The following LIPI variants were observed in gnomAD, a reference collection of about 807,000 sequenced individuals.
LIPI encodes lipase I, also known as lipase member I.
Under a neutral mutation model 50.6 loss-of-function variants are expected in LIPI, and 59 were observed. The observed-to-expected ratio is 1.16, with a 90% CI of 0.94 to 1.45. LIPI has a LOEUF of 1.45. Ranked by LOEUF, LIPI falls within the 40% of genes most tolerant of loss-of-function variation. The pLI is 0.00. For missense variants in LIPI, 586 were observed against 536.3 expected (o/e 1.09, Z -0.92); for synonymous variants, 203 against 178.2 (o/e 1.14, Z -1.11).
At chr21:14,196,167 AC>A (rs773647278) in intron 1 of LIPI, among the ~76,000 whole-genome samples, 9,352 of 115,380 alleles carry the variant, frequency 0.081, 504 homozygotes, top group East Asian at 0.24. Context: ...AAAAAAAAAA[AC>A]AAAACAAGAA....
chr21:14,206,815 C>G, intron 1 of LIPI: 1 of 1,567,606 alleles, frequency 6.4e-7, no homozygotes, highest in Non-Finnish European at 8.8e-7. Flanking sequence ...AAGAGATTAC[C>G]TGATCTCAGG....
In LIPI at chr21:14,172,369, A is replaced by C. The variant is rs139171784; in HGVS notation, c.644-5918T>G. On this transcript the variant is annotated intron_variant, in intron 4 of 9. Coordinates refer to ENST00000681601, the MANE Select transcript of LIPI (RefSeq NM_001302998.2). ...TGACCCAGCAATCCCATTACTGGGT[A>C]TATACCCAAAGGACTATAAATCATG... 7.7e-3 allele frequency among the ~76,000 whole-genome samples: 1,172 copies of C among 152,354 alleles called. 19 individuals are homozygous for C. Among genetic ancestry groups the C allele is most frequent in the African/African-American group, 0.026 (1,068 of 41,566 alleles).
At chr21:14,137,017 C>T (rs2017523900) in intron 9 of LIPI, among the ~76,000 whole-genome samples, 1 of 152,176 alleles carries the variant, frequency 6.6e-6, no homozygotes, top group Non-Finnish European at 1.5e-5. Flanking sequence ...ATTACTGGGC[C>T]TGGGGTGCTC....
At chr21:14,180,904 G>C (rs947156705) in intron 4 of LIPI, among the ~76,000 whole-genome samples, 1 of 152,120 alleles carries the variant, frequency 6.6e-6, no homozygotes. Context: ...CACTGCCCTT[G>C]TCTCTATCTT....
chr21:14,172,706 G>C (rs560199472), intron 4 of LIPI, among the ~76,000 whole-genome samples: 1 of 151,774 alleles, frequency 6.6e-6, no homozygotes, highest in Non-Finnish European at 1.5e-5. Flanking sequence ...TCACACTCTG[G>C]GGACTGTTGT....
At chr21:14,109,869 C>A (rs528350610) in intron 9 of LIPI, among the ~76,000 whole-genome samples, 1 of 111,512 alleles carries the variant, frequency 9.0e-6, no homozygotes, top group South Asian at 3.0e-4. Flanking sequence ...TGTAAAAGTT[C>A]ATCTAGTTAT....
chr21:14,161,486 T>C (rs1284351800), intron 7 of LIPI, among the ~76,000 whole-genome samples: 2 of 136,358 alleles, frequency 1.5e-5, no homozygotes, highest in Non-Finnish European at 3.1e-5. Context: ...GAAATAGATC[T>C]AATATATAGA....
At chr21:14,152,413 A>G (rs2018127123) in intron 8 of LIPI, among the ~76,000 whole-genome samples, 160 bp downstream of exon 8, 1 of 152,178 alleles carries the variant, frequency 6.6e-6, no homozygotes, top group African/African-American at 2.4e-5. Context: ...TGTAAAATAA[A>G]GGAATTAGAA....
intron 9 of LIPI, among the ~76,000 whole-genome samples, chr21:14,138,325 T>C (rs2017582733): frequency 6.6e-6 from 1 of 152,170 alleles, no homozygotes; most frequent in South Asian, 2.1e-4. Context: ...ATTGGCTGTC[T>C]AAGTTTATTC....
At chr21:14,112,682 T>C (rs182513822) in intron 9 of LIPI, among the ~76,000 whole-genome samples, 21 of 152,266 alleles carry the variant, frequency 1.4e-4, no homozygotes, top group Admixed American at 6.5e-4. Flanking sequence ...TATATTAATA[T>C]TTATACATAT....
At chr21:14,202,990 A>G (rs2020111049) in intron 1 of LIPI, among the ~76,000 whole-genome samples, 1 of 147,558 alleles carries the variant, frequency 6.8e-6, no homozygotes, top group African/African-American at 2.4e-5. Context: ...TTTACAAGAA[A>G]AAAACAAACA....
chr21:14,129,816 A>ATT (rs1568838597), intron 9 of LIPI, among the ~76,000 whole-genome samples: 3,985 of 151,100 alleles, frequency 0.026, 173 homozygotes, highest in African/African-American at 0.089. Context: ...TTTTAAAAAA[A>ATT]AAAAAAGCTT....
chr21:14,136,101 C>T lies in LIPI; in HGVS notation c.1295+8522G>A, dbSNP rs562750789. ...AACCCCACTGCCTTTGAGGAAAGAA[C>T]CCAGTCCTGACAGCATTCATCACCT... is the stretch of plus-strand genomic sequence containing the variant. On this transcript the variant is annotated intron_variant, in intron 9 of 9. Transcript: ENST00000681601. Among the ~76,000 whole-genome samples the T allele has an allele frequency of 1.3e-4, 20 of 152,274 alleles. No individual in the cohort carries two copies. In the East Asian group the frequency reaches 3.5e-3, roughly 27 times the overall value.
intron 1 of LIPI, among the ~76,000 whole-genome samples, chr21:14,201,687 A>T (rs543938236): frequency 6.6e-6 from 1 of 152,302 alleles, no homozygotes; most frequent in South Asian, 2.1e-4. Flanking sequence ...GACGTATCTC[A>T]AAATAATAAG....
chr21:14,149,331 C>T (rs953336280), intron 8 of LIPI, among the ~76,000 whole-genome samples: 47 of 152,286 alleles, frequency 3.1e-4, no homozygotes, highest in African/African-American at 1.0e-3. Flanking sequence ...GAAACCACCC[C>T]TGTGATTCAA....
chr21:14,147,682 G>A (rs1367454544), intron 8 of LIPI, among the ~76,000 whole-genome samples: 1 of 152,202 alleles, frequency 6.6e-6, no homozygotes, highest in African/African-American at 2.4e-5. Context: ...TTCTCTCCAT[G>A]TATCTTTTAG....
At chr21:14,133,504 T>A (rs779465900) in intron 9 of LIPI, among the ~76,000 whole-genome samples, 18 of 152,140 alleles carry the variant, frequency 1.2e-4, no homozygotes, top group Non-Finnish European at 2.4e-4. Flanking sequence ...AATGACAGAC[T>A]CACAGCCAGC....
At chr21:14,151,196 G>C (rs966455311) in intron 8 of LIPI, among the ~76,000 whole-genome samples, 3 of 152,046 alleles carry the variant, frequency 2.0e-5, no homozygotes, top group Non-Finnish European at 4.4e-5. Flanking sequence ...ACTATTATGA[G>C]CTATGGCTAC....
chr21:14,151,561 A>C (rs1455029236), intron 8 of LIPI, among the ~76,000 whole-genome samples: 1 of 152,092 alleles, frequency 6.6e-6, no homozygotes, highest in Non-Finnish European at 1.5e-5. Flanking sequence ...TAATCACTAG[A>C]TATGGTGTCT....
Sources: allele counts gnomAD v4.1 joint callset (sites outside exome capture counted in the v4.1 genomes callset), GRCh38; gene constraint gnomAD v4.1.1; transcripts MANE v1.5; gene names NCBI Gene and HGNC (gene_info 2026-07-23, HGNC 2026-07-21).